The following NUP107 variants were observed in gnomAD, a reference collection of about 807,000 sequenced individuals.
NUP107 encodes nuclear pore complex protein Nup107.
A neutral mutation model predicts 141.0 loss-of-function variants in NUP107; 101 were observed. The ratio of observed to expected loss-of-function variants is 0.72; its 90% CI spans 0.61 to 0.84. The LOEUF is 0.84. NUP107 is among the 40% of genes least tolerant of loss of function. The pLI is 0.00. For synonymous variants in NUP107, 319 were observed against 363.9 expected (o/e 0.88, Z 1.41); for missense variants, 941 against 1,102.7 (o/e 0.85, Z 2.08).
chr12:68,694,882 A>G (rs911803671), intron 5 of NUP107, among the ~76,000 whole-genome samples: 2 of 152,344 alleles, frequency 1.3e-5, no homozygotes, highest in East Asian at 3.9e-4. Flanking sequence ...ATCCTGGGCA[A>G]CAAGAGCGAA....
At chr12:68,704,441 G>T (rs1876479897) in intron 8 of NUP107, among the ~76,000 whole-genome samples, 1 of 151,422 alleles carries the variant, frequency 6.6e-6, no homozygotes, top group Non-Finnish European at 1.5e-5. Flanking sequence ...TATATTTTCT[G>T]TTTTTAAAAG....
At chr12:68,724,798 C>CA (rs904348324) in intron 17 of NUP107, among the ~76,000 whole-genome samples, 2 of 151,098 alleles carry the variant, frequency 1.3e-5, no homozygotes, top group East Asian at 2.0e-4. Flanking sequence ...AACAAACAAA[C>CA]AAAAAAAACC....
chr12:68,709,174 A>G (rs1876728182), intron 8 of NUP107, 64 bp from the exon 9 acceptor site: 1 of 1,102,226 alleles, frequency 9.1e-7, no homozygotes, highest in Non-Finnish European at 1.3e-6. Context: ...TTTCTATTAA[A>G]ATAATATTTC....
In NUP107 at chr12:68,711,535, CA is replaced by C. The variant is rs36048355; in HGVS notation, c.890+1456del. On this transcript the variant is annotated intron_variant, in intron 10 of 27. Coordinates refer to ENST00000229179, the MANE Select transcript of NUP107 (RefSeq NM_020401.4). ...TGGGTGACAGAGCGAGACTCCACCT[CA>C]AAAAAAAAAAAAAGGATTAGAATTA... Among the ~76,000 whole-genome samples, 423 of 124,378 alleles carry C rather than the reference CA, an allele frequency of 3.4e-3. 1 individual carries two copies. The highest frequency in any genetic ancestry group is 0.016 in the East Asian group (67 of 4,296). 81.6% of individuals were successfully genotyped at this position (124,378 alleles called of 152,430 possible). A position where few individuals can be genotyped will look rare whatever the true frequency, so the allele number is the denominator to read the frequency against.
intron 6 of NUP107, among the ~76,000 whole-genome samples, chr12:68,700,327 T>C (rs74103014): frequency 0.038 from 5,785 of 152,308 alleles, 357 homozygotes; most frequent in African/African-American, 0.13. Context: ...TTACCTGATA[T>C]AAATTTTCAA....
chr12:68,693,442 G>A (rs1186302820), intron 5 of NUP107, among the ~76,000 whole-genome samples: 3 of 151,998 alleles, frequency 2.0e-5, no homozygotes, highest in African/African-American at 4.8e-5. Context: ...TCAAACTCCT[G>A]GACACAAGTG....
intron 8 of NUP107, chr12:68,706,398 A>G: frequency 9.2e-7 from 1 of 1,092,212 alleles, no homozygotes; most frequent in Non-Finnish European, 1.4e-6. Context: ...CGCTCCCTGG[A>G]CATGAACAGC....
chr12:68,703,194 T>C (rs1015703675), intron 8 of NUP107, among the ~76,000 whole-genome samples: 2 of 152,108 alleles, frequency 1.3e-5, no homozygotes, highest in African/African-American at 4.8e-5. Context: ...TTTTAAAAAT[T>C]TTACAAGTAA....
Position 68,700,713 on chromosome 12 carries a change from G to GT in NUP107, c.553-7dup, listed in dbSNP as rs1555176652. On this transcript the variant is annotated splice_polypyrimidine_tract_variant and intron_variant, in intron 6 of 27. Coordinates refer to ENST00000229179, the MANE Select transcript of NUP107 (RefSeq NM_020401.4). The stretch of plus-strand genomic sequence containing the variant: ...AGAAAATTAACCTCTTTACATCTGT[G>GT]TTTTTTATTCAGGTGAATATACTGA... The GT allele has an allele frequency of 1.3e-6, 2 of 1,565,920 alleles. No homozygotes were observed. Among genetic ancestry groups the GT allele is most frequent in the Non-Finnish European group, 1.7e-6 (2 of 1,162,052 alleles).
At chr12:68,729,611 T>G (rs555622185) in intron 20 of NUP107, among the ~76,000 whole-genome samples, 1 of 151,566 alleles carries the variant, frequency 6.6e-6, no homozygotes, top group South Asian at 2.1e-4. Flanking sequence ...GCCTGGCTAA[T>G]TTTGTATTTT....
intron 26 of NUP107, among the ~76,000 whole-genome samples, chr12:68,737,497 G>A (rs1324675024): frequency 1.4e-5 from 2 of 146,864 alleles, no homozygotes; most frequent in Non-Finnish European, 3.0e-5. Context: ...GGAGGCAGAG[G>A]TTGCAGTGAG....
At chr12:68,691,490 GA>G (rs1224570361) in intron 4 of NUP107, among the ~76,000 whole-genome samples, 1 of 152,152 alleles carries the variant, frequency 6.6e-6, no homozygotes, top group African/African-American at 2.4e-5. Context: ...AATAGCAAAA[GA>G]AATGTTATGT....
intron 26 of NUP107, among the ~76,000 whole-genome samples, chr12:68,741,424 G>T (rs962928550): frequency 6.6e-6 from 1 of 152,148 alleles, no homozygotes; most frequent in South Asian, 2.1e-4. Flanking sequence ...TCCCCACATC[G>T]TCTTTTTCCC....
chr12:68,734,960 C>A, intron 25 of NUP107, 127 bp downstream of exon 25: 2 of 1,106,502 alleles, frequency 1.8e-6, no homozygotes, highest in Non-Finnish European at 1.3e-6. Flanking sequence ...TAATGTCCTG[C>A]TTTGGAAGAT....
intron 8 of NUP107, chr12:68,707,140 G>A (rs1876623132): frequency 1.8e-6 from 1 of 550,628 alleles, no homozygotes; most frequent in Admixed American, 3.1e-5. Context: ...GTCCAGAGGA[G>A]CACAGGGAAC....
At chr12:68,719,222 T>A in intron 12 of NUP107, 119 bp from the exon 13 acceptor site, 27 of 704,748 alleles carry the variant, frequency 3.8e-5, no homozygotes, top group Non-Finnish European at 6.3e-5. Flanking sequence ...CATCCATCCC[T>A]TGTAATGGGA....
At chr12:68,722,077 A>ATTCTTTTCCCGTTGT in intron 16 of NUP107, 27 bp from the exon 17 acceptor site, 1 of 1,612,132 alleles carries the variant, frequency 6.2e-7, no homozygotes, top group Non-Finnish European at 8.5e-7. Flanking sequence ...TATTAACATT[A>ATTCTTTTCCCGTTGT]TTCTTTTCCC....
intron 7 of NUP107, among the ~76,000 whole-genome samples, chr12:68,702,065 T>C (rs1565689271): frequency 6.6e-6 from 1 of 151,862 alleles, no homozygotes; most frequent in Non-Finnish European, 1.5e-5. Flanking sequence ...CTCGGCTCAC[T>C]GCAACCTCCG....
intron 23 of NUP107, 34 bp downstream of exon 23, chr12:68,732,773 G>A (rs752453766): frequency 2.9e-6 from 4 of 1,367,672 alleles, no homozygotes. Context: ...TCAAACTCCT[G>A]GGCTCCATTC....
Sources: allele counts gnomAD v4.1 joint callset (sites outside exome capture counted in the v4.1 genomes callset), GRCh38; gene constraint gnomAD v4.1.1; transcripts MANE v1.5; gene names NCBI Gene and HGNC (gene_info 2026-07-23, HGNC 2026-07-21).